Variants in GP9 observed in about 807,000 individuals in gnomAD.
GP9 encodes the protein glycoprotein IX platelet.
For missense variants in GP9, 228 were observed against 241.8 expected, an observed-to-expected ratio of 0.94 and a Z score of 0.38; for synonymous variants, 116 against 116.7, an observed-to-expected ratio of 0.99 and a Z score of 0.04.
the GP9 span, among the ~76,000 whole-genome samples, chr3:129,055,275 A>C: frequency 6.6e-6 from 1 of 152,188 alleles, no homozygotes; most frequent in East Asian, 1.9e-4. Context: ...GTTTACACTT[A>C]ATATTTTTCT....
chr3:129,056,869 G>A (rs956959752), upstream of GP9, among the ~76,000 whole-genome samples: 15 of 152,198 alleles, frequency 9.9e-5, no homozygotes, highest in African/African-American at 3.4e-4. Flanking sequence ...AGCCTACCAC[G>A]AAGCTTCAGA....
chr3:129,059,424 T>C (rs4927926), upstream of GP9, among the ~76,000 whole-genome samples: 142,205 of 152,194 alleles, frequency 0.93, 66,662 homozygotes, highest in East Asian at 0.99. Context: ...GCAGAGGAGG[T>C]GGAACATGCC....
chr3:129,055,643 TC>T, the GP9 span, among the ~76,000 whole-genome samples: 246 of 150,814 alleles, frequency 1.6e-3, 1 homozygote, highest in African/African-American at 5.3e-3. Context: ...TTTCTTTCTT[TC>T]TTTCTTTTTT....
the GP9 span, among the ~76,000 whole-genome samples, chr3:129,055,048 G>A: frequency 2.6e-5 from 4 of 152,042 alleles, no homozygotes; most frequent in African/African-American, 7.3e-5. Context: ...ACAAAGAGTC[G>A]GTCATGTCAG....
Position 129,061,511 on chromosome 3 carries a change from C to T in GP9, c.-121C>T. 1.7e-6 allele frequency: 1 copy of T among 603,260 alleles called. No homozygotes were observed. Among genetic ancestry groups the T allele is most frequent in the Middle Eastern group, 4.4e-4 (1 of 2,264 alleles). The allele number at this position is 603,260 out of a possible 1,614,324, so 37.4% of individuals were successfully genotyped here. ...ATCCACAGCCGCCCTCACCGCCCGGCCTTCTACGGTGTCCAGAGACAGTTA... is the reference window on the plus strand; with the variant it reads ...ATCCACAGCCGCCCTCACCGCCCGGTCTTCTACGGTGTCCAGAGACAGTTA... On this transcript the variant is annotated 5_prime_UTR_variant, in exon 2 of 3. Transcript: ENST00000307395.
At chr3:129,057,158 C>T (rs1448072862), upstream of GP9, among the ~76,000 whole-genome samples, 1 of 152,104 alleles carries the variant, frequency 6.6e-6, no homozygotes, top group African/African-American at 2.4e-5. Context: ...AGTCTCTGCC[C>T]TCTTGAGTTT....
chr3:129,057,349 T>C (rs1267139260), upstream of GP9, among the ~76,000 whole-genome samples: 1 of 151,800 alleles, frequency 6.6e-6, no homozygotes, highest in Non-Finnish European at 1.5e-5. Flanking sequence ...AGAATGATGA[T>C]CAGGAGGAAG....
rs779138158 is a variant in GP9 at position 129,062,055 on chromosome 3, G to A, written c.316G>A (p.Glu106Lys). ...CCTCTGGCTGGAGGACCGCACGCCCGAGGCCCTGCTGCAGGTCCGCTGTGC... is the reference window on the plus strand; with the variant it reads ...CCTCTGGCTGGAGGACCGCACGCCCAAGGCCCTGCTGCAGGTCCGCTGTGC... ...LRLWLEDRTP[E>K]ALLQVRCASP... The change falls in exon 3 of 3, where the codon GAG becomes AAG. Residue 106 changes from glutamate to lysine, a missense_variant. Glu to Lys is a moderately conservative substitution (Grantham distance 56). Coordinates refer to ENST00000307395, the MANE Select transcript of GP9 (RefSeq NM_000174.5). The A allele has an allele frequency of 6.8e-6, 11 of 1,612,612 alleles. No individual in the cohort carries two copies. The highest frequency in any genetic ancestry group is 3.3e-5 in the South Asian group (3 of 91,056).
intron 2 of GP9, 35 bp downstream of exon 2, chr3:129,061,654 C>T: frequency 8.7e-7 from 1 of 1,145,558 alleles, no homozygotes; most frequent in South Asian, 1.3e-5. Context: ...GGCTCCGCTA[C>T]ATCCCCAGTG....
rs1238091714 is a variant in GP9, at chr3:129,061,910, G to C, written c.171G>C (p.Leu57=). The C allele has an allele frequency of 1.2e-6, 2 of 1,613,652 alleles. No individual in the cohort carries two copies. Among genetic ancestry groups the C allele is most frequent in the East Asian group, 4.5e-5 (2 of 44,882 alleles). ...PALPARTRHL[L]LANNSLQSVP... ...TGCCGGCCCGCACCCGCCACCTTCT[G>C]CTGGCCAACAACAGCCTTCAGTCCG... Residue 57 remains leucine (L), a synonymous_variant, in exon 3 of 3, where the codon CTG becomes CTC. Coordinates refer to ENST00000307395, the MANE Select transcript of GP9 (RefSeq NM_000174.5).
At chr3:129,056,977 T>G (rs576752951), upstream of GP9, among the ~76,000 whole-genome samples, 1 of 151,994 alleles carries the variant, frequency 6.6e-6, no homozygotes, top group Non-Finnish European at 1.5e-5. Context: ...TGTAGTGAGA[T>G]TAAACCTGTA....
chr3:129,062,375 GA>G lies in GP9; in HGVS notation c.*104del, dbSNP rs1176054720. The G allele has an allele frequency of 2.6e-6, 2 of 781,184 alleles. No individual in the cohort carries two copies. Among genetic ancestry groups the G allele is most frequent in the African/African-American group, 3.6e-5 (2 of 55,874 alleles). The allele number at this position is 781,184 out of a possible 1,614,324, so 48.4% of individuals were successfully genotyped here. A position where few individuals can be genotyped will look rare whatever the true frequency, so the allele number is the denominator to read the frequency against. On this transcript the variant is annotated 3_prime_UTR_variant, in exon 3 of 3. Transcript: ENST00000307395. ...GTCAGCCCAAACCACCAGAAGCCCAGAATAAACTGGCAGCTCAGCTGTTTTA... is the reference window on the plus strand; with the variant it reads ...GTCAGCCCAAACCACCAGAAGCCCAGATAAACTGGCAGCTCAGCTGTTTTA...
chr3:129,055,367 G>C, the GP9 span, among the ~76,000 whole-genome samples: 1 of 152,226 alleles, frequency 6.6e-6, no homozygotes, highest in Non-Finnish European at 1.5e-5. Flanking sequence ...TGAGAAACCA[G>C]TCTCACCTGT....
the GP9 span, among the ~76,000 whole-genome samples, chr3:129,055,622 G>A: frequency 1.3e-5 from 2 of 151,840 alleles, no homozygotes; most frequent in African/African-American, 4.8e-5. Context: ...GGGTGTGAGG[G>A]CCCCCTTTCT....
chr3:129,057,781 G>A (rs1946534265), upstream of GP9, among the ~76,000 whole-genome samples: 1 of 151,770 alleles, frequency 6.6e-6, no homozygotes, highest in Non-Finnish European at 1.5e-5. Context: ...TGGAGAAAGA[G>A]GTGGAATTAA....
chr3:129,059,239 TTTTTG>T (rs1389327566), upstream of GP9, among the ~76,000 whole-genome samples: 1 of 152,244 alleles, frequency 6.6e-6, no homozygotes, highest in Non-Finnish European at 1.5e-5. Context: ...TTGATCTAGT[TTTTTG>T]TTTTAAGTTG....
rs941979869 is a variant in GP9 at position 129,062,164 on chromosome 3, C to T, written c.425C>T (p.Ser142Phe). The change falls in exon 3 of 3, where the codon TCC becomes TTC. Residue 142 changes from serine (S) to phenylalanine (F), a missense_variant. Coordinates refer to ENST00000307395, the MANE Select transcript of GP9 (RefSeq NM_000174.5). Reference sequence around the variant, plus strand: ...AGCTGTGGCTGGCAGCTGCAGGCGTCCTGGGTGCGCCCGGGGGTCTTGTGG... The same window carrying T: ...AGCTGTGGCTGGCAGCTGCAGGCGTTCTGGGTGCGCCCGGGGGTCTTGTGG... ...LGSCGWQLQA[S>F]WVRPGVLWDV... The T allele has an allele frequency of 9.5e-6, 15 of 1,579,522 alleles. No homozygotes were observed. Among genetic ancestry groups the T allele is most frequent in the African/African-American group, 6.7e-5 (5 of 74,302 alleles).
upstream of GP9, among the ~76,000 whole-genome samples, chr3:129,056,060 T>C (rs189072916): frequency 2.0e-5 from 3 of 152,358 alleles, no homozygotes; most frequent in East Asian, 5.8e-4. Flanking sequence ...TATCTCACTC[T>C]TTCCTCACAG....
upstream of GP9, among the ~76,000 whole-genome samples, chr3:129,059,051 T>C (rs145643668): frequency 2.0e-5 from 3 of 152,190 alleles, no homozygotes; most frequent in African/African-American, 7.2e-5. Context: ...CTTGGGCAGA[T>C]GGGTATGTAT....
Sources: gnomAD v4.1 joint callset for allele counts (sites outside exome capture counted in the v4.1 genomes callset) on GRCh38, gnomAD v4.1.1 for gene constraint, MANE v1.5 for transcripts, NCBI Gene and HGNC (gene_info 2026-07-23, HGNC 2026-07-21) for gene names.